Variants in WWOX observed in about 807,000 individuals in gnomAD.
WWOX encodes WW domain-containing oxidoreductase.
Under a neutral mutation model 46.2 loss-of-function variants are expected in WWOX, and 69 were observed. That is an observed-to-expected ratio of 1.49 (90% CI 1.23 to 1.82). The LOEUF (loss-of-function observed/expected upper bound fraction) is 1.82, where lower values mean the gene tolerates loss of function less well. WWOX is among the 40% of genes most tolerant of loss of function. WWOX has a pLI of 0.00. For missense variants in WWOX, 919 were observed against 542.6 expected, an observed-to-expected ratio of 1.69 and a Z score of -6.89; for synonymous variants, 359 against 202.6, an observed-to-expected ratio of 1.77 and a Z score of -6.56.
intron 8 of WWOX, among the ~76,000 whole-genome samples, chr16:78,435,495 C>T (rs115506681): frequency 1.3e-5 from 2 of 152,130 alleles, no homozygotes; most frequent in Admixed American, 6.5e-5. Context: ...AGCTTTAGAT[C>T]CCTGAGTGAG....
chr16:78,794,941 T>C (rs62038633), intron 8 of WWOX, among the ~76,000 whole-genome samples: 5,465 of 152,344 alleles, frequency 0.036, 124 homozygotes, highest in Non-Finnish European at 0.052. Flanking sequence ...CAAATATCTA[T>C]GGTTGATAAA....
At chr16:78,613,312 G>C (rs2045943457) in intron 8 of WWOX, among the ~76,000 whole-genome samples, 1 of 152,136 alleles carries the variant, frequency 6.6e-6, no homozygotes, top group Non-Finnish European at 1.5e-5. Context: ...AAGCCCCAGT[G>C]TGTTCCTTGA....
At chr16:78,774,597 A>G (rs573361117) in intron 8 of WWOX, among the ~76,000 whole-genome samples, 23 of 152,010 alleles carry the variant, frequency 1.5e-4, no homozygotes, top group East Asian at 1.2e-3. Flanking sequence ...CACATAAGAT[A>G]GCATAAGGTA....
Position 78,099,666 on chromosome 16 carries a change from C to T in WWOX, c.-113C>T, listed in dbSNP as rs1216302828. ...GCCCCTGGAGGGCGCAGTGCGCAGG[C>T]GTGAGCGGTCGGGCCCCGACGCGCG... On this transcript the variant is annotated 5_prime_UTR_variant, in exon 1 of 9. Coordinates refer to ENST00000566780, the MANE Select transcript of WWOX (RefSeq NM_016373.4). The T allele has an allele frequency of 1.5e-6, 2 of 1,341,032 alleles. No individual in the cohort carries two copies. Among genetic ancestry groups the T allele is most frequent in the Non-Finnish European group, 2.0e-6 (2 of 1,016,700 alleles). The allele number at this position is 1,341,032 out of a possible 1,614,324, so 83.1% of individuals were successfully genotyped here. A position where few individuals can be genotyped will look rare whatever the true frequency, so the allele number is the denominator to read the frequency against.
At chr16:78,139,472 C>G (rs748319862) in intron 4 of WWOX, among the ~76,000 whole-genome samples, 1 of 152,126 alleles carries the variant, frequency 6.6e-6, no homozygotes, top group East Asian at 1.9e-4. Context: ...GGTGAAACCC[C>G]TTCTCTACTA....
Position 78,864,127 on chromosome 16 carries a change from C to G in WWOX, c.1057-347481C>G, listed in dbSNP as rs185027087. The stretch of plus-strand genomic sequence containing the variant: ...GGATATGTATTTATATCAAGCCAAA[C>G]TACCTACCTAACCACCTACCTGGGA... On this transcript the variant is annotated intron_variant, in intron 8 of 8. Coordinates refer to ENST00000566780, the MANE Select transcript of WWOX (RefSeq NM_016373.4). Among the ~76,000 whole-genome samples the G allele has an allele frequency of 1.2e-4, 18 of 152,302 alleles. No individual in the cohort carries two copies. The East Asian group carries it at 3.3e-3, about 28-fold the overall frequency.
Position 78,773,322 on chromosome 16 carries a change from C to T in WWOX, c.1056+340570C>T, listed in dbSNP as rs138956000. The stretch of plus-strand genomic sequence containing the variant: ...GCTTCTGGACTGTCAGTCATTAGCA[C>T]TCCCTATCCCTAAGGTTTCAGGAAT... On this transcript the variant is annotated intron_variant, in intron 8 of 8. Coordinates refer to ENST00000566780, the MANE Select transcript of WWOX (RefSeq NM_016373.4). Among the ~76,000 whole-genome samples, 292 of 152,302 alleles carry T rather than the reference C, an allele frequency of 1.9e-3. 2 individuals are homozygous for T. The highest frequency in any genetic ancestry group is 6.8e-3 in the African/African-American group (282 of 41,570).
intron 8 of WWOX, among the ~76,000 whole-genome samples, chr16:78,791,592 G>T (rs1042901552): frequency 2.6e-5 from 4 of 152,072 alleles, no homozygotes; most frequent in Non-Finnish European, 4.4e-5. Flanking sequence ...GAGGCAAACA[G>T]AAGGGCTGGG....
At chr16:78,479,777 A>T (rs921958344) in intron 8 of WWOX, among the ~76,000 whole-genome samples, 11 of 152,192 alleles carry the variant, frequency 7.2e-5, no homozygotes, top group African/African-American at 2.7e-4. Flanking sequence ...GGCAGGATTC[A>T]TGGAGTTTTC....
intron 8 of WWOX, among the ~76,000 whole-genome samples, chr16:78,790,475 C>G (rs970929723): frequency 9.2e-5 from 14 of 152,118 alleles, no homozygotes; most frequent in Admixed American, 2.6e-4. Context: ...GAACTTAAAT[C>G]TCCTCTAGAA....
At chr16:78,812,007 C>A (rs1165560888) in intron 8 of WWOX, among the ~76,000 whole-genome samples, 1 of 151,906 alleles carries the variant, frequency 6.6e-6, no homozygotes, top group Non-Finnish European at 1.5e-5. Flanking sequence ...ATTATAACAC[C>A]ATCAAAGCTG....
chr16:78,370,604 A>G (rs1329690484), intron 5 of WWOX, among the ~76,000 whole-genome samples: 1 of 151,692 alleles, frequency 6.6e-6, no homozygotes, highest in Non-Finnish European at 1.5e-5. Context: ...TGTCTTATTT[A>G]TTTTTTAATC....
intron 6 of WWOX, among the ~76,000 whole-genome samples, chr16:78,396,908 G>A (rs1367180089): frequency 2.6e-5 from 4 of 152,304 alleles, no homozygotes; most frequent in South Asian, 2.1e-4. Flanking sequence ...CTTGGATTTG[G>A]TATCTGGCCT....
intron 8 of WWOX, among the ~76,000 whole-genome samples, chr16:78,947,923 A>T (rs1567668483): frequency 6.6e-6 from 1 of 152,324 alleles, no homozygotes. Context: ...TAATTATGTC[A>T]TTGAAAAAAA....
intron 4 of WWOX, among the ~76,000 whole-genome samples, chr16:78,116,603 A>G (rs749453131): frequency 1.3e-5 from 2 of 152,210 alleles, no homozygotes; most frequent in African/African-American, 4.8e-5. Flanking sequence ...TATAATTGTC[A>G]TTGAAGTCAA....
intron 8 of WWOX, among the ~76,000 whole-genome samples, chr16:79,114,195 C>G (rs1056017540): frequency 5.3e-5 from 8 of 152,078 alleles, no homozygotes; most frequent in Middle Eastern, 3.4e-3. Flanking sequence ...TTGCATCCCC[C>G]CAGAAGATAT....
At chr16:78,332,542 C>G (rs918202227) in intron 5 of WWOX, among the ~76,000 whole-genome samples, 1 of 152,132 alleles carries the variant, frequency 6.6e-6, no homozygotes, top group Non-Finnish European at 1.5e-5. Context: ...ATTCCATTTG[C>G]TCAAGAACAA....
rs142662624 is a variant in WWOX, at chr16:79,149,465, C to T, written c.1057-62143C>T. Among the ~76,000 whole-genome samples the T allele has an allele frequency of 1.1e-4, 17 of 152,230 alleles. 1 individual carries two copies. The East Asian group carries it at 3.3e-3, about 29-fold the overall frequency. On this transcript the variant is annotated intron_variant, in intron 8 of 8. Coordinates refer to ENST00000566780, the MANE Select transcript of WWOX (RefSeq NM_016373.4). ...TGTGGATAGCTCACCAACTTTTATT[C>T]AGAAAACATCCGTCTCAGTTTAGTG...
At chr16:78,441,712 T>G (rs2083448408) in intron 8 of WWOX, among the ~76,000 whole-genome samples, 1 of 152,106 alleles carries the variant, frequency 6.6e-6, no homozygotes, top group African/African-American at 2.4e-5. Context: ...AACTGAGATG[T>G]TAGAACTACC....
Sources: gnomAD v4.1 joint callset for allele counts (sites outside exome capture counted in the v4.1 genomes callset) on GRCh38, gnomAD v4.1.1 for gene constraint, MANE v1.5 for transcripts, NCBI Gene and HGNC (gene_info 2026-07-23, HGNC 2026-07-21) for gene names.